The following SMG6 variants were observed in gnomAD, a reference collection of about 807,000 sequenced individuals.
The protein encoded by SMG6 is SMG6 nonsense mediated mRNA decay factor, also known as telomerase-binding protein EST1A.
Under a neutral mutation model 142.2 loss-of-function variants are expected in SMG6, and 66 were observed. That is an observed-to-expected ratio of 0.46 (90% CI 0.38 to 0.57). SMG6 has a LOEUF of 0.57. Among genes scored for constraint, SMG6 ranks in the 20% least tolerant of loss-of-function variants. SMG6 has a pLI of 0.00. For missense variants in SMG6, 1,793 were observed against 1,832.0 expected, an observed-to-expected ratio of 0.98 and a Z score of 0.39; for synonymous variants, 779 against 702.4, an observed-to-expected ratio of 1.11 and a Z score of -1.72.
chr17:2,230,454 A>G (rs1451025229), intron 10 of SMG6, among the ~76,000 whole-genome samples: 3 of 151,982 alleles, frequency 2.0e-5, no homozygotes, highest in African/African-American at 7.3e-5. Context: ...ACACCAAACC[A>G]CATGGCTATC....
chr17:2,203,074 A>G (rs758164821), intron 10 of SMG6, among the ~76,000 whole-genome samples: 1 of 152,210 alleles, frequency 6.6e-6, no homozygotes, highest in African/African-American at 2.4e-5. Context: ...ACTCTCTACA[A>G]GAAAAAATGA....
At chr17:2,063,382 A>G (rs1282314863) in intron 18 of SMG6, 1 of 152,224 alleles carries the variant, frequency 6.6e-6, no homozygotes, top group Non-Finnish European at 1.5e-5. Context: ...TGACAAGTTA[A>G]TCTGCTAAGA....
At chr17:2,224,471 T>TG (rs1372609641) in intron 10 of SMG6, among the ~76,000 whole-genome samples, 1 of 152,100 alleles carries the variant, frequency 6.6e-6, no homozygotes, top group East Asian at 1.9e-4. Context: ...ACATTGTCAA[T>TG]GGGGCATATT....
At chr17:2,108,649 A>T (rs968020757) in intron 13 of SMG6, among the ~76,000 whole-genome samples, 6 of 151,178 alleles carry the variant, frequency 4.0e-5, no homozygotes, top group Admixed American at 1.3e-4. Context: ...ATAATAATAA[A>T]AAAATTCTGA....
chr17:2,212,223 C>A (rs557387094), intron 10 of SMG6, among the ~76,000 whole-genome samples: 9 of 152,156 alleles, frequency 5.9e-5, no homozygotes, highest in African/African-American at 2.2e-4. Context: ...AGCGAAAAGG[C>A]TGGAACTAAC....
At chr17:2,175,567 T>C (rs1455997107) in intron 12 of SMG6, among the ~76,000 whole-genome samples, 1 of 150,484 alleles carries the variant, frequency 6.6e-6, no homozygotes, top group Non-Finnish European at 1.5e-5. Flanking sequence ...TGGCCACCAC[T>C]AGGGACCCCT....
chr17:2,147,988 G>A (rs943455288), intron 13 of SMG6, among the ~76,000 whole-genome samples: 14 of 152,036 alleles, frequency 9.2e-5, no homozygotes, highest in South Asian at 2.1e-4. Flanking sequence ...TCAGGAGTTC[G>A]ACACCAGCCT....
chr17:2,108,382 C>T (rs1427371058), intron 13 of SMG6, among the ~76,000 whole-genome samples: 2 of 152,120 alleles, frequency 1.3e-5, no homozygotes, highest in African/African-American at 2.4e-5. Context: ...TTTGAAAGGC[C>T]GAGGCGGGCG....
intron 13 of SMG6, among the ~76,000 whole-genome samples, chr17:2,160,541 A>G (rs1266159645): frequency 6.6e-6 from 1 of 152,104 alleles, no homozygotes; most frequent in African/African-American, 2.4e-5. Flanking sequence ...GAATATCTAA[A>G]ATTATGGGCT....
intron 10 of SMG6, among the ~76,000 whole-genome samples, chr17:2,203,578 C>G (rs2072595021): frequency 6.6e-6 from 1 of 152,190 alleles, no homozygotes. Flanking sequence ...GAATCCCATA[C>G]AGCAGATATG....
Position 2,071,023 on chromosome 17 carries a change from G to A in SMG6, c.3682-2092C>T, listed in dbSNP as rs1204063698. 6.6e-6 allele frequency among the ~76,000 whole-genome samples: 1 copy of A among 152,198 alleles called. No individual in the cohort carries two copies. The highest frequency in any genetic ancestry group is 1.5e-5 in the Non-Finnish European group (1 of 68,038). On this transcript the variant is annotated intron_variant, in intron 15 of 18. Transcript: ENST00000263073. This position sits in a 1 kb window ranked among gnomAD's most constrained non-coding sequence, Gnocchi z 5.6. ...TCTCCGTCTAGCTCTTCTGTTGCCAGGCATGCTCTCCTGGTACCGTGGCTC... is the reference window on the plus strand; with the variant it reads ...TCTCCGTCTAGCTCTTCTGTTGCCAAGCATGCTCTCCTGGTACCGTGGCTC...
chr17:2,067,362 G>A (rs887905721), intron 16 of SMG6, among the ~76,000 whole-genome samples: 7 of 152,162 alleles, frequency 4.6e-5, no homozygotes, highest in Non-Finnish European at 7.3e-5. Context: ...CTGGGACGGC[G>A]TCTGAGGCAC....
intron 13 of SMG6, among the ~76,000 whole-genome samples, chr17:2,108,903 C>T (rs932510465): frequency 6.7e-6 from 1 of 149,532 alleles, no homozygotes; most frequent in African/African-American, 2.5e-5. Context: ...GAGGATTACA[C>T]CACTGCACTC....
At chr17:2,105,790 T>C (rs2069140688) in intron 13 of SMG6, among the ~76,000 whole-genome samples, 3 of 152,196 alleles carry the variant, frequency 2.0e-5, no homozygotes, top group Admixed American at 2.0e-4. Context: ...GGGCAAAACC[T>C]CAGCTGAATA....
Position 2,299,374 on chromosome 17 carries a change from T to C in SMG6, c.1379A>G (p.Asn460Ser). 4 of 1,613,976 alleles carry C rather than the reference T, an allele frequency of 2.5e-6. No homozygotes were observed. Among genetic ancestry groups the C allele is most frequent in the East Asian group, 2.2e-5 (1 of 44,874 alleles). The change falls in exon 2 of 19, where the codon AAT becomes AGT. Residue 460 changes from asparagine (N) to serine (S), a missense_variant. Coordinates refer to ENST00000263073, the MANE Select transcript of SMG6 (RefSeq NM_017575.5). This position sits in a 1 kb window ranked among gnomAD's most constrained non-coding sequence, Gnocchi z 4.3. ...CTTTAGAGCAGGTTTCTGATCAGGATTGTTTGGGTCCCACAATCGGCGTGT... is the reference window on the plus strand; with the variant it reads ...CTTTAGAGCAGGTTTCTGATCAGGACTGTTTGGGTCCCACAATCGGCGTGT... ...GTTRRLWDPN[N>S]PDQKPALKTQ... is the part of the protein sequence containing the mutation.
At chr17:2,128,614 A>G (rs2069984347) in intron 13 of SMG6, among the ~76,000 whole-genome samples, 1 of 152,148 alleles carries the variant, frequency 6.6e-6, no homozygotes, top group African/African-American at 2.4e-5. Flanking sequence ...ACTTGAGGTC[A>G]GGAGTTCGAG....
intron 13 of SMG6, among the ~76,000 whole-genome samples, chr17:2,094,507 G>C (rs909955053): frequency 2.0e-5 from 3 of 152,144 alleles, no homozygotes; most frequent in South Asian, 2.1e-4. Context: ...CCAAAGTGCT[G>C]GGATTACAGG....
intron 13 of SMG6, among the ~76,000 whole-genome samples, chr17:2,154,747 A>C (rs1023381735): frequency 1.3e-5 from 2 of 152,222 alleles, no homozygotes; most frequent in Admixed American, 6.5e-5. Context: ...CTAACCTCTA[A>C]TTAAAAAGTA....
intron 10 of SMG6, among the ~76,000 whole-genome samples, chr17:2,205,378 C>T (rs1048512815): frequency 6.6e-6 from 1 of 152,188 alleles, no homozygotes; most frequent in Non-Finnish European, 1.5e-5. Context: ...AGCCACCACG[C>T]CTGGCCTGTA....
Sources: gnomAD v4.1 joint callset for allele counts (sites outside exome capture counted in the v4.1 genomes callset) on GRCh38, gnomAD v4.1.1 for gene constraint, Gnocchi (gnomAD v3.1) non-coding constraint, MANE v1.5 for transcripts, NCBI Gene and HGNC (gene_info 2026-07-23, HGNC 2026-07-21) for gene names.